Variants in SLC9C2 observed in about 807,000 individuals in gnomAD.
SLC9C2 encodes the protein solute carrier family 9 member C2 (putative).
A neutral mutation model predicts 140.2 loss-of-function variants in SLC9C2; 75 were observed. The observed-to-expected ratio is 0.53, with a 90% CI of 0.44 to 0.65. The LOEUF (loss-of-function observed/expected upper bound fraction) is 0.65. Among genes scored for constraint, SLC9C2 ranks in the 30% least tolerant of loss-of-function variants. SLC9C2 has a pLI of 0.00. For synonymous variants in SLC9C2, 375 were observed against 420.9 expected, an observed-to-expected ratio of 0.89 and a Z score of 1.34; for missense variants, 1,074 against 1,331.8, an observed-to-expected ratio of 0.81 and a Z score of 3.01.
chr1:173,509,870 A>G (rs190493684), intron 23 of SLC9C2, among the ~76,000 whole-genome samples, 171 bp from the exon 24 acceptor site: 13 of 152,346 alleles, frequency 8.5e-5, no homozygotes, highest in African/African-American at 3.1e-4. Flanking sequence ...GTTGTTTGCT[A>G]AGTATAAGAT....
At chr1:173,574,514 T>C (rs2102186385) in intron 8 of SLC9C2, among the ~76,000 whole-genome samples, 1 of 146,080 alleles carries the variant, frequency 6.8e-6, no homozygotes, top group South Asian at 2.3e-4. Context: ...ACTTTTTTTT[T>C]TTTTTTTTTT....
At position 173,602,773 on chromosome 1, in the gene SLC9C2, T is replaced by C. The variant is rs1355632554; in HGVS notation, c.-102A>G. On this transcript the variant is annotated 5_prime_UTR_variant, in exon 1 of 28. Transcript: ENST00000367714. ...TACCTTTGGTCCTTTGTTTTGCAGG[T>C]CTACAGGTCACAATGATTCTGGTGT... 1 of 152,170 alleles carries C rather than the reference T, an allele frequency of 6.6e-6. No individual in the cohort carries two copies. Among genetic ancestry groups the C allele is most frequent in the Non-Finnish European group, 1.5e-5 (1 of 68,042 alleles). The allele number at this position is 152,170 out of a possible 1,614,324, so 9.4% of individuals were successfully genotyped here.
chr1:173,514,478 CT>C (rs900036185), intron 23 of SLC9C2, among the ~76,000 whole-genome samples: 31 of 151,270 alleles, frequency 2.0e-4, no homozygotes, highest in East Asian at 5.8e-4. Flanking sequence ...TCAACCCCTG[CT>C]TTTTTTTTGT....
chr1:173,575,591 T>C (rs1001567175), intron 8 of SLC9C2, among the ~76,000 whole-genome samples: 1 of 152,148 alleles, frequency 6.6e-6, no homozygotes, highest in Non-Finnish European at 1.5e-5. Context: ...TGTTTTTGTT[T>C]TTTGAGACAG....
At chr1:173,548,161 TA>T (rs1662992619) in intron 12 of SLC9C2, among the ~76,000 whole-genome samples, 1 of 152,252 alleles carries the variant, frequency 6.6e-6, no homozygotes, top group African/African-American at 2.4e-5. Flanking sequence ...AGCCAGATTG[TA>T]AAACATCCAT....
At chr1:173,508,037 G>A (rs1258339296) in intron 24 of SLC9C2, among the ~76,000 whole-genome samples, 2 of 152,028 alleles carry the variant, frequency 1.3e-5, no homozygotes, top group Admixed American at 6.5e-5. Flanking sequence ...ACAGCTACAT[G>A]AGCCAGTCCC....
intron 8 of SLC9C2, among the ~76,000 whole-genome samples, chr1:173,574,505 CTTTTTTTTTTTTTT>C (rs746733038): frequency 9.5e-6 from 1 of 104,848 alleles, no homozygotes; most frequent in Non-Finnish European, 1.8e-5. Context: ...GAGTTAAGTA[CTTTTTTTTTTTTTT>C]TTTTTTTTGA....
intron 27 of SLC9C2, among the ~76,000 whole-genome samples, chr1:173,502,905 C>T (rs1659383319): frequency 6.6e-6 from 1 of 152,104 alleles, no homozygotes; most frequent in Non-Finnish European, 1.5e-5. Context: ...GCAATCTGTA[C>T]ATCCAGGAAT....
intron 9 of SLC9C2, among the ~76,000 whole-genome samples, chr1:173,568,207 G>T (rs1664613982): frequency 1.3e-5 from 2 of 152,096 alleles, no homozygotes; most frequent in African/African-American, 4.8e-5. Flanking sequence ...GGGGTTTGTT[G>T]TACCTATTAT....
chr1:173,569,418 T>C (rs1664701292), intron 9 of SLC9C2, among the ~76,000 whole-genome samples: 1 of 152,096 alleles, frequency 6.6e-6, no homozygotes, highest in Admixed American at 6.6e-5. Flanking sequence ...ATTAAATGCC[T>C]TGAGGTAGCC....
intron 9 of SLC9C2, 88 bp downstream of exon 9, chr1:173,573,094 C>T: frequency 1.0e-6 from 1 of 970,026 alleles, no homozygotes; most frequent in Non-Finnish European, 1.5e-6. Context: ...GTCCAGAGCC[C>T]TTTTTGCTGT....
At chr1:173,586,912 C>T (rs910352665) in intron 5 of SLC9C2, among the ~76,000 whole-genome samples, 4 of 151,940 alleles carry the variant, frequency 2.6e-5, no homozygotes, top group Non-Finnish European at 5.9e-5. Context: ...GCTTAGAGTA[C>T]AGGTCAATAG....
At chr1:173,523,265 G>A (rs998838211) in intron 21 of SLC9C2, among the ~76,000 whole-genome samples, 4 of 152,134 alleles carry the variant, frequency 2.6e-5, no homozygotes, top group Non-Finnish European at 5.9e-5. Context: ...CCAGCTACTT[G>A]GGAGGCTGAG....
At chr1:173,588,575 C>A (rs910958320) in intron 4 of SLC9C2, among the ~76,000 whole-genome samples, 9 of 152,126 alleles carry the variant, frequency 5.9e-5, no homozygotes, top group African/African-American at 1.9e-4. Context: ...TTACATTAAG[C>A]AATTTTTTAA....
chr1:173,596,302 T>C (rs1369864894), intron 4 of SLC9C2: 1 of 152,162 alleles, frequency 6.6e-6, no homozygotes, highest in African/African-American at 2.4e-5. Context: ...GGAGTGAGAT[T>C]GGTGAGTCAT....
rs1660444067 is a variant in SLC9C2 at position 173,516,684 on chromosome 1, A to G, written c.2907+853T>C. Reference sequence around the variant, plus strand: ...GGCTACATAGTATTCTATGGTATATATGTACCATGTTTTCTTTATCCACTC... The same window carrying G: ...GGCTACATAGTATTCTATGGTATATGTGTACCATGTTTTCTTTATCCACTC... On this transcript the variant is annotated intron_variant, in intron 23 of 27. Transcript: ENST00000367714. Among the ~76,000 whole-genome samples, 3 of 152,330 alleles carry G rather than the reference A, an allele frequency of 2.0e-5. No homozygotes were observed. In the South Asian group the frequency reaches 6.2e-4, roughly 32 times the overall value.
At chr1:173,506,157 C>T (rs1659623900) in intron 25 of SLC9C2, among the ~76,000 whole-genome samples, 1 of 152,112 alleles carries the variant, frequency 6.6e-6, no homozygotes, top group African/African-American at 2.4e-5. Flanking sequence ...CCAACTTTTC[C>T]AGGACAAATT....
At chr1:173,577,433 T>C (rs1434615348) in intron 7 of SLC9C2, among the ~76,000 whole-genome samples, 1 of 152,216 alleles carries the variant, frequency 6.6e-6, no homozygotes, top group East Asian at 1.9e-4. Context: ...AATGTATTAA[T>C]AGTCTGAGGC....
chr1:173,554,822 C>A lies in SLC9C2; in HGVS notation c.1216-8G>T. ...TTGTACATAGAGTATAAACTAAAAA[C>A]AAAGCACATAAATAGTTAGAACCAA... On this transcript the variant is annotated splice_region_variant and splice_polypyrimidine_tract_variant and intron_variant, in intron 10 of 27. Transcript: ENST00000367714. 6.6e-7 allele frequency: 1 copy of A among 1,516,442 alleles called. No individual in the cohort carries two copies. The allele number at this position is 1,516,442 out of a possible 1,614,324, so 93.9% of individuals were successfully genotyped here.
Sources: gnomAD v4.1 joint callset for allele counts (sites outside exome capture counted in the v4.1 genomes callset) on GRCh38, gnomAD v4.1.1 for gene constraint, MANE v1.5 for transcripts, NCBI Gene and HGNC (gene_info 2026-07-23, HGNC 2026-07-21) for gene names.